Variants in TMEM163 observed in about 807,000 individuals in gnomAD.
The protein encoded by TMEM163 is transmembrane protein 163.
A neutral mutation model predicts 29.3 loss-of-function variants in TMEM163; 17 were observed. That is an observed-to-expected ratio of 0.58 (90% CI 0.40 to 0.87). TMEM163 has a LOEUF of 0.87. Among genes scored for constraint, TMEM163 ranks in the 40% least tolerant of loss-of-function variants. TMEM163 has a pLI of 0.00. For synonymous variants in TMEM163, 157 were observed against 160.6 expected (o/e 0.98, Z 0.17); for missense variants, 303 against 381.5 (o/e 0.79, Z 1.71).
intron 2 of TMEM163, among the ~76,000 whole-genome samples, chr2:134,644,214 G>C (rs1308421679): frequency 6.6e-6 from 1 of 152,048 alleles, no homozygotes; most frequent in East Asian, 1.9e-4. Flanking sequence ...TTTAAGAAAA[G>C]GCCATTGAAT....
At chr2:134,548,016 T>C (rs1680829671) in intron 4 of TMEM163, among the ~76,000 whole-genome samples, 1 of 152,178 alleles carries the variant, frequency 6.6e-6, no homozygotes, top group African/African-American at 2.4e-5. Flanking sequence ...GGAAATCAGA[T>C]TAAAAAGCAA....
Position 134,485,603 on chromosome 2 carries a change from G to A in TMEM163, c.555+17298C>T, listed in dbSNP as rs116739396. ...ATTTCTTCTTCCTCCGGGAAACCTC[G>A]TTCTGTTCTTAGGGCCTTCAACTGA... On this transcript the variant is annotated intron_variant, in intron 5 of 7. Transcript: ENST00000281924. Among the ~76,000 whole-genome samples, 413 of 152,242 alleles carry A rather than the reference G, an allele frequency of 2.7e-3. 2 individuals are homozygous for A. Among genetic ancestry groups the A allele is most frequent in the African/African-American group, 9.5e-3 (393 of 41,532 alleles).
intron 2 of TMEM163, among the ~76,000 whole-genome samples, chr2:134,673,792 C>A (rs1684045800): frequency 6.6e-6 from 1 of 152,198 alleles, no homozygotes; most frequent in Non-Finnish European, 1.5e-5. Flanking sequence ...TATGGAAAAA[C>A]ACGGTCCTGC....
intron 2 of TMEM163, among the ~76,000 whole-genome samples, chr2:134,639,495 T>TGGTG (rs1280318671): frequency 1.3e-5 from 2 of 152,206 alleles, no homozygotes; most frequent in Admixed American, 1.3e-4. Context: ...TTGCTTTCAC[T>TGGTG]GGAGATGCTG....
chr2:134,549,005 T>C (rs1422373142), intron 4 of TMEM163, among the ~76,000 whole-genome samples: 2 of 152,152 alleles, frequency 1.3e-5, no homozygotes, highest in Non-Finnish European at 2.9e-5. Context: ...AGTTTACTAC[T>C]ATTTTCTAGT....
At chr2:134,542,262 C>A (rs892334471) in intron 4 of TMEM163, among the ~76,000 whole-genome samples, 10 of 152,236 alleles carry the variant, frequency 6.6e-5, no homozygotes, top group African/African-American at 2.4e-4. Context: ...CACCATTACG[C>A]CACTTGGCAG....
At chr2:134,648,313 T>C (rs1350246864) in intron 2 of TMEM163, among the ~76,000 whole-genome samples, 1 of 146,522 alleles carries the variant, frequency 6.8e-6, no homozygotes, top group African/African-American at 2.6e-5. Flanking sequence ...TCCTCTTCTC[T>C]TCTCTTCTCT....
In TMEM163 at chr2:134,623,525, TGA is replaced by T. The variant is rs1682784170; in HGVS notation, c.323-71436_323-71435del. On this transcript the variant is annotated intron_variant, in intron 2 of 7. Coordinates refer to ENST00000281924, the MANE Select transcript of TMEM163 (RefSeq NM_030923.5). ...GCTCACGCCTGTAATCCCAGCACTTTGAGAGGCTGAGGCGGGCAGATCACATG... is the reference window on the plus strand; with the variant it reads ...GCTCACGCCTGTAATCCCAGCACTTTGAGGCTGAGGCGGGCAGATCACATG... Among the ~76,000 whole-genome samples the T allele has an allele frequency of 3.9e-5, 6 of 152,128 alleles. No homozygotes were observed. In the South Asian group the frequency reaches 1.2e-3, roughly 31 times the overall value.
chr2:134,457,013 CTA>C (rs977154852), intron 7 of TMEM163, among the ~76,000 whole-genome samples: 4 of 152,082 alleles, frequency 2.6e-5, no homozygotes, highest in African/African-American at 9.7e-5. Context: ...CTTCTGGCCT[CTA>C]TGGATTTGCC....
chr2:134,519,889 CAAAA>C (rs552174731), intron 4 of TMEM163, among the ~76,000 whole-genome samples: 1 of 96,184 alleles, frequency 1.0e-5, no homozygotes, highest in Non-Finnish European at 2.3e-5. Context: ...GACCCCACCT[CAAAA>C]AAAAAAAAAA....
intron 2 of TMEM163, 131 bp downstream of exon 2, chr2:134,713,069 A>C: frequency 7.4e-7 from 1 of 1,350,270 alleles, no homozygotes; most frequent in Non-Finnish European, 1.0e-6. Context: ...CAGTACCCTG[A>C]CTATCCAACA....
At chr2:134,633,966 C>CATATATATAT (rs535811215) in intron 2 of TMEM163, among the ~76,000 whole-genome samples, 12 of 37,884 alleles carry the variant, frequency 3.2e-4, no homozygotes, top group Non-Finnish European at 7.9e-4. Context: ...AAAAAAAATA[C>CATATATATAT]ATATATATAT....
At chr2:134,526,056 T>TG (rs1558933859) in intron 4 of TMEM163, among the ~76,000 whole-genome samples, 1 of 151,910 alleles carries the variant, frequency 6.6e-6, no homozygotes, top group African/African-American at 2.4e-5. Flanking sequence ...GCCTCGGGTG[T>TG]GCCCCAGGTG....
intron 4 of TMEM163, among the ~76,000 whole-genome samples, chr2:134,533,934 GA>G (rs1441936060): frequency 1.3e-5 from 2 of 152,154 alleles, no homozygotes; most frequent in Non-Finnish European, 2.9e-5. Context: ...ACCAAAGGTT[GA>G]AGTGTCACCT....
intron 2 of TMEM163, among the ~76,000 whole-genome samples, chr2:134,588,582 G>A (rs1033413306): frequency 6.6e-6 from 1 of 152,086 alleles, no homozygotes; most frequent in African/African-American, 2.4e-5. Flanking sequence ...TGTGCCTTGA[G>A]ACTCTCTCCA....
At chr2:134,601,360 A>T (rs1265733600) in intron 2 of TMEM163, among the ~76,000 whole-genome samples, 3 of 152,150 alleles carry the variant, frequency 2.0e-5, no homozygotes, top group African/African-American at 7.2e-5. Flanking sequence ...TCTCAAATAC[A>T]CAAGAAACGA....
chr2:134,596,829 A>G (rs1468153899), intron 2 of TMEM163, among the ~76,000 whole-genome samples: 6 of 152,100 alleles, frequency 3.9e-5, no homozygotes, highest in African/African-American at 1.4e-4. Context: ...GGTCCTTCAC[A>G]TCCCTTGTAA....
At chr2:134,642,834 A>T (rs534006831) in intron 2 of TMEM163, among the ~76,000 whole-genome samples, 1 of 152,288 alleles carries the variant, frequency 6.6e-6, no homozygotes, top group African/African-American at 2.4e-5. Context: ...AAAATAGAGC[A>T]TATTAAAATT....
At chr2:134,605,685 C>T (rs939781042) in intron 2 of TMEM163, among the ~76,000 whole-genome samples, 2 of 145,594 alleles carry the variant, frequency 1.4e-5, no homozygotes, top group African/African-American at 2.6e-5. Context: ...AAATTTCCAT[C>T]TCAAAAAAAG....
Sources: allele counts gnomAD v4.1 joint callset (sites outside exome capture counted in the v4.1 genomes callset), GRCh38; gene constraint gnomAD v4.1.1; transcripts MANE v1.5; gene names NCBI Gene and HGNC (gene_info 2026-07-23, HGNC 2026-07-21).